Variants in PCDH9 observed in about 807,000 individuals in gnomAD.
The protein encoded by PCDH9 is protocadherin 9, also known as protocadherin-9.
Under a neutral mutation model 70.6 loss-of-function variants are expected in PCDH9, and 24 were observed. The ratio of observed to expected loss-of-function variants is 0.34; its 90% CI spans 0.25 to 0.48. The LOEUF (loss-of-function observed/expected upper bound fraction) is 0.48, where lower values mean the gene tolerates loss of function less well. Ranked by LOEUF, PCDH9 falls within the 20% of genes least tolerant of loss-of-function variation. The pLI, the probability that PCDH9 is intolerant of heterozygous loss-of-function variation, is 0.99. For synonymous variants in PCDH9, 562 were observed against 558.5 expected, an observed-to-expected ratio of 1.01 and a Z score of -0.09; for missense variants, 1,281 against 1,503.6, an observed-to-expected ratio of 0.85 and a Z score of 2.45.
At chr13:66,614,233 T>C (rs2138879507) in intron 4 of PCDH9, among the ~76,000 whole-genome samples, 1 of 152,206 alleles carries the variant, frequency 6.6e-6, no homozygotes, top group East Asian at 2.0e-4. Flanking sequence ...TAAAGGATTG[T>C]TTTTTGAGTT....
intron 2 of PCDH9, among the ~76,000 whole-genome samples, chr13:66,912,559 T>C (rs2082486382): frequency 6.6e-6 from 1 of 151,916 alleles, no homozygotes; most frequent in Admixed American, 6.6e-5. Context: ...TATGAATACA[T>C]GTTTTATGTA....
At chr13:66,983,196 G>A (rs371273389) in intron 2 of PCDH9, among the ~76,000 whole-genome samples, 1 of 151,974 alleles carries the variant, frequency 6.6e-6, no homozygotes, top group South Asian at 2.1e-4. Flanking sequence ...AAACCTGCAC[G>A]TCCTGCACGT....
chr13:66,819,502 G>C (rs866979130), intron 3 of PCDH9, among the ~76,000 whole-genome samples: 13 of 152,068 alleles, frequency 8.5e-5, no homozygotes, highest in African/African-American at 3.1e-4. Context: ...TTTATTATTG[G>C]AAATGATTCA....
chr13:66,970,886 G>A (rs965485912), intron 2 of PCDH9, among the ~76,000 whole-genome samples: 11 of 151,802 alleles, frequency 7.2e-5, no homozygotes, highest in African/African-American at 2.4e-4. Flanking sequence ...AACCTATATC[G>A]AATTCTTATG....
In PCDH9 at chr13:66,681,950, C is replaced by CATATAT. The variant is rs56280836; in HGVS notation, c.3139-50545_3139-50540dup. ...CTGGGTACATATGAGTATATACAAA[C>CATATAT]ATATATATATATATATATTTGAGAG... On this transcript the variant is annotated intron_variant, in intron 3 of 4. Coordinates refer to ENST00000377865, the MANE Select transcript of PCDH9 (RefSeq NM_203487.3). Among the ~76,000 whole-genome samples the CATATAT allele has an allele frequency of 1.7e-3, 225 of 130,354 alleles. 5 individuals carry two copies. The highest frequency in any genetic ancestry group is 5.4e-3 in the African/African-American group (175 of 32,208). The allele number at this position is 130,354 out of a possible 152,430, so 85.5% of individuals were successfully genotyped here.
chr13:66,311,235 C>A (rs1448283015), intron 4 of PCDH9, among the ~76,000 whole-genome samples: 1 of 151,984 alleles, frequency 6.6e-6, no homozygotes. Context: ...TTCGGGGAAA[C>A]AAATATTCTC....
intron 4 of PCDH9, among the ~76,000 whole-genome samples, chr13:66,335,125 T>C (rs1259836637): frequency 6.6e-6 from 1 of 152,104 alleles, no homozygotes; most frequent in Non-Finnish European, 1.5e-5. Flanking sequence ...AAGCATACAC[T>C]ACAGAAATCC....
chr13:66,849,853 A>G (rs2139451669), intron 3 of PCDH9, among the ~76,000 whole-genome samples: 1 of 152,210 alleles, frequency 6.6e-6, no homozygotes, highest in East Asian at 1.9e-4. Flanking sequence ...ATTGCTGAGA[A>G]CGATGACTGA....
At chr13:66,876,852 A>T (rs1307115579) in intron 3 of PCDH9, 1 of 152,120 alleles carries the variant, frequency 6.6e-6, no homozygotes, top group East Asian at 1.9e-4. Flanking sequence ...AGTTACATAT[A>T]TCTTTGGAAT....
chr13:66,399,220 G>T (rs1593914768), intron 4 of PCDH9, among the ~76,000 whole-genome samples: 1 of 152,068 alleles, frequency 6.6e-6, no homozygotes, highest in East Asian at 1.9e-4. Flanking sequence ...TTTCTCTCCT[G>T]AGTAATTAGC....
chr13:66,828,774 T>C (rs2080868842), intron 3 of PCDH9, among the ~76,000 whole-genome samples: 1 of 151,736 alleles, frequency 6.6e-6, no homozygotes, highest in Admixed American at 6.6e-5. Context: ...AGAATTACAA[T>C]GATTGCTCCT....
At chr13:66,938,654 T>G (rs2082956514) in intron 2 of PCDH9, among the ~76,000 whole-genome samples, 1 of 152,124 alleles carries the variant, frequency 6.6e-6, no homozygotes, top group South Asian at 2.1e-4. Flanking sequence ...AAAAGGAAAT[T>G]TATTTCCTTC....
chr13:66,848,873 A>G (rs781359893), intron 3 of PCDH9, among the ~76,000 whole-genome samples: 1 of 144,852 alleles, frequency 6.9e-6, no homozygotes, highest in Non-Finnish European at 1.5e-5. Flanking sequence ...GCTTGCAGTG[A>G]GCCGAGATCG....
chr13:66,719,600 T>A (rs1171307880), intron 3 of PCDH9, among the ~76,000 whole-genome samples: 2 of 152,158 alleles, frequency 1.3e-5, no homozygotes, highest in Non-Finnish European at 2.9e-5. Context: ...TAATACATTA[T>A]CCAGTCTAAA....
At chr13:66,747,816 T>C (rs759248031) in intron 3 of PCDH9, among the ~76,000 whole-genome samples, 75 of 152,202 alleles carry the variant, frequency 4.9e-4, no homozygotes, top group Admixed American at 1.5e-3. Context: ...ATGGAAGCCT[T>C]AAAATTTCTG....
In PCDH9 at chr13:66,792,150, C is replaced by T. The variant is rs1005445696; in HGVS notation, c.3138+111354G>A. Among the ~76,000 whole-genome samples, 5 of 152,176 alleles carry T rather than the reference C, an allele frequency of 3.3e-5. No individual in the cohort carries two copies. The East Asian group carries it at 9.7e-4, about 29-fold the overall frequency. ...TAAGTCAGTAAATGAAAACATTTTT[C>T]TTGTTGGTCAATCTATTACCTTCGA... On this transcript the variant is annotated intron_variant, in intron 3 of 4. Coordinates refer to ENST00000377865, the MANE Select transcript of PCDH9 (RefSeq NM_203487.3).
At chr13:67,070,927 G>A (rs1357097852) in intron 2 of PCDH9, among the ~76,000 whole-genome samples, 1 of 152,070 alleles carries the variant, frequency 6.6e-6, no homozygotes, top group Non-Finnish European at 1.5e-5. Flanking sequence ...GCAGTTGTCT[G>A]TATTTTTATC....
intron 3 of PCDH9, among the ~76,000 whole-genome samples, chr13:66,869,886 GA>G (rs1281087340): frequency 1.3e-5 from 2 of 152,268 alleles, no homozygotes; most frequent in East Asian, 3.9e-4. Flanking sequence ...GGAAAGAAGA[GA>G]AGTGAAGGTA....
chr13:67,011,130 C>T (rs1401895256), intron 2 of PCDH9, among the ~76,000 whole-genome samples: 1 of 151,766 alleles, frequency 6.6e-6, no homozygotes, highest in East Asian at 1.9e-4. Flanking sequence ...TGTATTGCCC[C>T]TTTTAATCAT....
Sources: gnomAD v4.1 joint callset for allele counts (sites outside exome capture counted in the v4.1 genomes callset) on GRCh38, gnomAD v4.1.1 for gene constraint, MANE v1.5 for transcripts, NCBI Gene and HGNC (gene_info 2026-07-23, HGNC 2026-07-21) for gene names.